Variants in FAM153A observed in about 807,000 individuals in gnomAD.
FAM153A encodes protein FAM153A.
FAM153A carries 12 observed loss-of-function variants against 48.1 expected under a neutral mutation model. That is an observed-to-expected ratio of 0.25 (90% CI 0.16 to 0.40). The LOEUF (loss-of-function observed/expected upper bound fraction) is 0.40, where lower values mean the gene tolerates loss of function less well. FAM153A is among the 10% of genes least tolerant of loss of function. FAM153A has a pLI of 1.00. For synonymous variants in FAM153A, 36 were observed against 118.2 expected, an observed-to-expected ratio of 0.30 and a Z score of 4.51; for missense variants, 111 against 345.8, an observed-to-expected ratio of 0.32 and a Z score of 5.38.
At chr5:177,710,293 G>A (rs1410225246), downstream of FAM153A, among the ~76,000 whole-genome samples, 26 of 150,916 alleles carry the variant, frequency 1.7e-4, no homozygotes, top group Admixed American at 1.7e-3. Context: ...TTTATTTTTA[G>A]TAGAGACGGA....
At chr5:177,754,294 C>T (rs1489371099), upstream of FAM153A, among the ~76,000 whole-genome samples, 1 of 151,870 alleles carries the variant, frequency 6.6e-6, no homozygotes. Context: ...GGGGTAGGGG[C>T]GCCCGCCATT....
downstream of FAM153A, chr5:177,722,267 C>G (rs1379146802): frequency 7.8e-6 from 1 of 127,724 alleles, no homozygotes; most frequent in Non-Finnish European, 1.6e-5. Flanking sequence ...ATAGCTGGGA[C>G]TACAAGAGTG....
chr5:177,772,245 G>C lies in FAM153A; in HGVS notation c.-57+8204C>G, dbSNP rs1285896037. The stretch of plus-strand genomic sequence containing the variant: ...GATTAAAGCCATAAAAGAAATAAGT[G>C]GGGGGAGGAGCCAAGATGGCCGAAT... On this transcript the variant is annotated intron_variant, in intron 1 of 8. Transcript: ENST00000393518. Among the ~76,000 whole-genome samples the C allele has an allele frequency of 7.3e-5, 7 of 96,338 alleles. 3 individuals are homozygous for C. Among genetic ancestry groups the C allele is most frequent in the Non-Finnish European group, 1.5e-4 (7 of 46,604 alleles). The allele number at this position is 96,338 out of a possible 152,430, so 63.2% of individuals were successfully genotyped here. A position where few individuals can be genotyped will look rare whatever the true frequency, so the allele number is the denominator to read the frequency against.
At chr5:177,711,676 A>T (rs2127552832) in exon 27 of FAM153A, 1 of 152,078 alleles carries the variant, frequency 6.6e-6, no homozygotes, top group East Asian at 1.9e-4. Flanking sequence ...GTGTTATCAG[A>T]TTAGATTCTT....
chr5:177,761,414 C>G (rs1447281893), intron 1 of FAM153A, among the ~76,000 whole-genome samples: 2 of 152,012 alleles, frequency 1.3e-5, no homozygotes, highest in African/African-American at 4.8e-5. Context: ...GGCTGCAGGG[C>G]TCCAGAGCCC....
At chr5:177,703,226 T>C (rs1400750344), downstream of FAM153A, among the ~76,000 whole-genome samples, 2 of 151,972 alleles carry the variant, frequency 1.3e-5, no homozygotes, top group African/African-American at 4.9e-5. Flanking sequence ...ACGCCTTCCA[T>C]CAGTTGCCCT....
downstream of FAM153A, among the ~76,000 whole-genome samples, chr5:177,706,400 C>A (rs542524641): frequency 6.6e-6 from 1 of 151,546 alleles, no homozygotes; most frequent in Non-Finnish European, 1.5e-5. Flanking sequence ...AGGGTTTCAC[C>A]GTGTTAGCCA....
At chr5:177,713,120 A>G (rs1252936483) in exon 27 of FAM153A, 1 of 152,060 alleles carries the variant, frequency 6.6e-6, no homozygotes, top group African/African-American at 2.4e-5. Context: ...TTCATCTTTT[A>G]ACACCATTTC....
downstream of FAM153A, among the ~76,000 whole-genome samples, chr5:177,704,654 C>T (rs190034547): frequency 2.4e-4 from 36 of 151,796 alleles, no homozygotes; most frequent in Admixed American, 1.9e-3. Flanking sequence ...GCACTATCCC[C>T]GTGGTGCTGT....
intron 24 of FAM153A, among the ~76,000 whole-genome samples, chr5:177,716,785 G>C (rs994005331): frequency 6.6e-6 from 1 of 151,828 alleles, no homozygotes; most frequent in African/African-American, 2.4e-5. Context: ...AAATCAAGAG[G>C]ACTAATAGAT....
At position 177,735,005 on chromosome 5, in the gene FAM153A, G is replaced by A; in HGVS notation, c.665-72C>T. Reference sequence around the variant, plus strand: ...TGAACAATTCAGTAACACTGCTTGAGGTGGGTTTGGGAGGAGGGTAGCAGG... The same window carrying A: ...TGAACAATTCAGTAACACTGCTTGAAGTGGGTTTGGGAGGAGGGTAGCAGG... On this transcript the variant is annotated intron_variant, in intron 12 of 20. Transcript: ENST00000614127. The A allele has an allele frequency of 2.8e-6, 3 of 1,076,958 alleles. No homozygotes were observed. In the Admixed American group the frequency reaches 7.7e-5, roughly 28 times the overall value. 66.7% of individuals were successfully genotyped at this position (1,076,958 alleles called of 1,614,324 possible). A position where few individuals can be genotyped will look rare whatever the true frequency, so the allele number is the denominator to read the frequency against.
intron 1 of FAM153A, among the ~76,000 whole-genome samples, chr5:177,752,952 G>A (rs1767207897): frequency 4.9e-5 from 7 of 143,592 alleles, no homozygotes; most frequent in Admixed American, 4.8e-4. Flanking sequence ...AAAAAAAATT[G>A]GCATTGGAAA....
upstream of FAM153A, among the ~76,000 whole-genome samples, chr5:177,754,407 G>A (rs1037287543): frequency 2.0e-5 from 3 of 151,702 alleles, no homozygotes; most frequent in Non-Finnish European, 4.4e-5. Flanking sequence ...TCCACCTCTG[G>A]GGGCAGGGCA....
At chr5:177,759,400 G>C (rs535488845) in intron 1 of FAM153A, among the ~76,000 whole-genome samples, 1 of 151,808 alleles carries the variant, frequency 6.6e-6, no homozygotes, top group African/African-American at 2.4e-5. Context: ...TTGTGGAAGA[G>C]AGAGTGGCAA....
upstream of FAM153A, among the ~76,000 whole-genome samples, chr5:177,781,288 T>TTTTTTTTTA (rs1769633469): frequency 8.6e-6 from 1 of 115,622 alleles, no homozygotes; most frequent in African/African-American, 3.4e-5. Context: ...TTTTTTTTTT[T>TTTTTTTTTA]GTATTTTTAG....
chr5:177,696,987 G>A, the FAM153A span, among the ~76,000 whole-genome samples: 3 of 151,938 alleles, frequency 2.0e-5, no homozygotes, highest in Admixed American at 6.6e-5. Flanking sequence ...AAAAAGGCAG[G>A]TGGAATTTTG....
In FAM153A at chr5:177,772,267, G is replaced by A. The variant is rs540315740; in HGVS notation, c.-57+8182C>T. On this transcript the variant is annotated intron_variant, in intron 1 of 8. Transcript: ENST00000393518. ...AGTGGGGGGAGGAGCCAAGATGGCC[G>A]AATAGGAACAGCTCCGGTCTACAGC... is the stretch of plus-strand genomic sequence containing the variant. 9.0e-4 allele frequency among the ~76,000 whole-genome samples: 85 copies of A among 94,276 alleles called. 29 individuals carry two copies. The highest frequency in any genetic ancestry group is 2.6e-3 in the African/African-American group (61 of 23,528). 61.8% of individuals were successfully genotyped at this position (94,276 alleles called of 152,430 possible).
At chr5:177,709,961 C>T (rs1758264392), downstream of FAM153A, among the ~76,000 whole-genome samples, 1 of 137,048 alleles carries the variant, frequency 7.3e-6, no homozygotes, top group Non-Finnish European at 1.6e-5. Flanking sequence ...CCGCGCCCAG[C>T]TGAAATTAGA....
At chr5:177,753,952 T>C (rs1046022442), upstream of FAM153A, among the ~76,000 whole-genome samples, 18 of 151,882 alleles carry the variant, frequency 1.2e-4, 1 homozygote, top group African/African-American at 3.9e-4. Context: ...AACTGAGGTA[T>C]CAGGCTCACC....
Sources: gnomAD v4.1 joint callset for allele counts (sites outside exome capture counted in the v4.1 genomes callset) on GRCh38, gnomAD v4.1.1 for gene constraint, MANE v1.5 for transcripts, NCBI Gene and HGNC (gene_info 2026-07-23, HGNC 2026-07-21) for gene names.